The following NREP variants were observed in gnomAD, a reference collection of about 807,000 sequenced individuals.
The protein encoded by NREP is neuronal regeneration-related protein.
In NREP, 5 loss-of-function variants were observed where a neutral mutation model predicts 8.6. That is an observed-to-expected ratio of 0.58 (90% CI 0.30 to 1.22). NREP has a LOEUF of 1.22. Ranked by LOEUF, NREP falls within the 50% of genes most tolerant of loss-of-function variation. The pLI is 0.07. For missense variants in NREP, 86 were observed against 82.5 expected, an observed-to-expected ratio of 1.04 and a Z score of -0.17; for synonymous variants, 27 against 28.0, an observed-to-expected ratio of 0.96 and a Z score of 0.11.
chr5:111,762,766 C>A (rs558953924), intron 2 of NREP, among the ~76,000 whole-genome samples: 1 of 152,264 alleles, frequency 6.6e-6, no homozygotes, highest in East Asian at 1.9e-4. Context: ...TTAAGCCCTC[C>A]GGTCTGTGGT....
At chr5:111,802,766 T>C (rs905184300) in intron 2 of NREP, among the ~76,000 whole-genome samples, 6 of 152,182 alleles carry the variant, frequency 3.9e-5, no homozygotes, top group Non-Finnish European at 5.9e-5. Flanking sequence ...CTTTACAAAA[T>C]GTATGTGGAA....
intron 2 of NREP, among the ~76,000 whole-genome samples, chr5:111,829,341 T>C (rs1166612606): frequency 6.6e-6 from 1 of 152,122 alleles, no homozygotes; most frequent in African/African-American, 2.4e-5. Context: ...GGAGGAAGAA[T>C]TGGCAGGGGG....
intron 2 of NREP, among the ~76,000 whole-genome samples, chr5:111,858,636 T>G (rs1042836993): frequency 6.6e-6 from 1 of 152,150 alleles, no homozygotes; most frequent in Non-Finnish European, 1.5e-5. Flanking sequence ...GGCAAGAGAT[T>G]GAGACCCTGA....
chr5:111,925,711 G>A (rs1229530355), intron 2 of NREP, among the ~76,000 whole-genome samples: 1 of 152,136 alleles, frequency 6.6e-6, no homozygotes, highest in Non-Finnish European at 1.5e-5. Context: ...TTCTCATCTG[G>A]TCTTTGATCT....
In NREP at chr5:111,816,433, C is replaced by T. The variant is rs116361060; in HGVS notation, c.136-80926G>A. On this transcript the variant is annotated intron_variant, in intron 2 of 3. Coordinates refer to the NREP transcript ENST00000395634. ...TTAAAACATATATAAACAAAAAGTACATAGCAACAATTGTGAAAAGATGAG... is the reference window on the plus strand; with the variant it reads ...TTAAAACATATATAAACAAAAAGTATATAGCAACAATTGTGAAAAGATGAG... Among the ~76,000 whole-genome samples the T allele has an allele frequency of 3.8e-3, 575 of 152,126 alleles. 6 individuals are homozygous for T. The highest frequency in any genetic ancestry group is 0.017 in the South Asian group (84 of 4,822).
chr5:111,904,961 G>A (rs11749310), intron 2 of NREP, among the ~76,000 whole-genome samples: 29,801 of 151,800 alleles, frequency 0.2, 4,334 homozygotes, highest in African/African-American at 0.41. Context: ...CCTAGTAATC[G>A]TTTATTGCTC....
chr5:111,757,928 G>T, upstream of NREP: 1 of 985,548 alleles, frequency 1.0e-6, no homozygotes. Context: ...GGCGCGGCCC[G>T]TACTGTAATA....
chr5:111,835,129 T>C lies in NREP; in HGVS notation c.136-99622A>G, dbSNP rs183781814. 2.2e-4 allele frequency among the ~76,000 whole-genome samples: 34 copies of C among 152,268 alleles called. 1 individual carries two copies. Among genetic ancestry groups the C allele is most frequent in the Non-Finnish European group, 1.9e-4 (13 of 68,006 alleles). On this transcript the variant is annotated intron_variant, in intron 2 of 3. Transcript: ENST00000395634. ...CATATTACACAAACAGGAAAGTTAG[T>C]TGATTTCCTATTCAATACATGACAC...
chr5:111,929,244 G>A (rs577544324), intron 2 of NREP, among the ~76,000 whole-genome samples: 5 of 152,258 alleles, frequency 3.3e-5, no homozygotes, highest in Admixed American at 3.3e-4. Context: ...TCATTTAATT[G>A]TGATATGATA....
chr5:111,741,047 A>T (rs1749607420), intron 2 of NREP, among the ~76,000 whole-genome samples: 1 of 152,182 alleles, frequency 6.6e-6, no homozygotes, highest in South Asian at 2.1e-4. Flanking sequence ...GATATGTTGC[A>T]TGGTTTGGTT....
chr5:111,872,599 G>A (rs1012501295), intron 2 of NREP, among the ~76,000 whole-genome samples: 16 of 152,140 alleles, frequency 1.1e-4, no homozygotes, highest in African/African-American at 3.6e-4. Flanking sequence ...CTAGGAGAGT[G>A]TGTTGTCTGG....
At chr5:111,926,152 C>T (rs1554053672) in intron 2 of NREP, among the ~76,000 whole-genome samples, 1 of 152,082 alleles carries the variant, frequency 6.6e-6, no homozygotes, top group African/African-American at 2.4e-5. Context: ...GAGAAGGGAA[C>T]CTGAACCCTA....
intron 2 of NREP, among the ~76,000 whole-genome samples, chr5:111,873,317 T>C (rs547379167): frequency 7.9e-5 from 12 of 152,292 alleles, no homozygotes; most frequent in African/African-American, 2.9e-4. Flanking sequence ...CATAAACTTA[T>C]GGACTGAAAA....
intron 3 of NREP, chr5:111,733,849 C>G (rs1455507544): frequency 1.3e-5 from 2 of 152,120 alleles, no homozygotes; most frequent in African/African-American, 4.8e-5. Flanking sequence ...CGACAGATGA[C>G]TACTAGGAAA....
In NREP at chr5:111,952,545, G is replaced by A. The variant is rs74538710; in HGVS notation, c.135+22729C>T. ...GTGGATATTTCTACAACTTTGACAA[G>A]TAAATGAGGCAAGGACGTAGCTGGA... On this transcript the variant is annotated intron_variant, in intron 2 of 3. Transcript: ENST00000395634. Among the ~76,000 whole-genome samples the A allele has an allele frequency of 2.7e-3, 414 of 152,250 alleles. 10 individuals carry two copies. The East Asian group carries it at 0.053, about 19-fold the overall frequency.
At chr5:111,778,610 AT>A (rs1408597108) in intron 2 of NREP, among the ~76,000 whole-genome samples, 20 of 152,026 alleles carry the variant, frequency 1.3e-4, no homozygotes, top group Non-Finnish European at 1.5e-5. Context: ...ACATTTCTTA[AT>A]TTGCTAATGT....
intron 2 of NREP, among the ~76,000 whole-genome samples, chr5:111,865,967 G>A (rs1753654371): frequency 6.6e-6 from 1 of 152,070 alleles, no homozygotes; most frequent in Admixed American, 6.6e-5. Context: ...TAAAATACAC[G>A]ATGGGGACAC....
upstream of NREP, chr5:111,757,664 G>A (rs1581093636): frequency 3.1e-6 from 3 of 983,288 alleles, no homozygotes; most frequent in Admixed American, 6.2e-5. Flanking sequence ...TCGCCGCGCC[G>A]TCCCCACTGC....
chr5:111,847,378 C>A (rs572199423), intron 2 of NREP, among the ~76,000 whole-genome samples: 1 of 152,020 alleles, frequency 6.6e-6, no homozygotes, highest in African/African-American at 2.4e-5. Flanking sequence ...GGGCTGTAAC[C>A]CTCACGGCCC....
Sources: gnomAD v4.1 joint callset for allele counts (sites outside exome capture counted in the v4.1 genomes callset) on GRCh38, gnomAD v4.1.1 for gene constraint, MANE v1.5 for transcripts, NCBI Gene and HGNC (gene_info 2026-07-23, HGNC 2026-07-21) for gene names.